The following TNRC6A variants were observed in gnomAD, a reference collection of about 807,000 sequenced individuals.
The protein encoded by TNRC6A is trinucleotide repeat containing adaptor 6A.
TNRC6A carries 44 observed loss-of-function variants against 221.2 expected under a neutral mutation model. The ratio of observed to expected loss-of-function variants is 0.20; its 90% confidence interval spans 0.16 to 0.26. TNRC6A has a LOEUF of 0.26. Among genes scored for constraint, TNRC6A ranks in the 10% least tolerant of loss-of-function variants. The pLI, the probability that TNRC6A is intolerant of heterozygous loss-of-function variation, is 1.00. For missense variants in TNRC6A, 2,199 were observed against 2,404.4 expected, an observed-to-expected ratio of 0.91 and a Z score of 1.79; for synonymous variants, 847 against 838.5, an observed-to-expected ratio of 1.01 and a Z score of -0.18.
intron 20 of TNRC6A, among the ~76,000 whole-genome samples, chr16:24,817,281 C>T (rs1251350456): frequency 6.6e-6 from 1 of 152,042 alleles, no homozygotes; most frequent in Admixed American, 6.5e-5. Context: ...ACATAAAGGA[C>T]CAGCAAACCT....
rs2058053775 is a variant in TNRC6A, at chr16:24,789,646, C to T, written c.1004C>T (p.Ser335Phe). 1 of 1,613,976 alleles carries T rather than the reference C, an allele frequency of 6.2e-7. No homozygotes were observed. The highest frequency in any genetic ancestry group is 1.1e-5 in the South Asian group (1 of 91,078). Residue 335 changes from serine to phenylalanine, a missense_variant, in exon 6 of 25, where the codon TCT (serine) becomes TTT (phenylalanine). By Grantham distance (155) the Ser-to-Phe change is radical (BLOSUM62 -2). This residue lies in a region of TNRC6A where 1,405 missense variants were observed against 1,400.2 expected (regional missense o/e 1.00). Coordinates refer to ENST00000395799, the MANE Select transcript of TNRC6A (RefSeq NM_014494.4). ...TCTGTGGATGCTCCTGAAAGCAAAT[C>T]TGAAAGTAGCAACAATAGAATGAAT... The part of the protein sequence containing the change: ...QVSVDAPESK[S>F]ESSNNRMNAW...
intron 2 of TNRC6A, among the ~76,000 whole-genome samples, chr16:24,678,701 C>G (rs1251806656): frequency 1.3e-5 from 2 of 152,064 alleles, no homozygotes; most frequent in Non-Finnish European, 2.9e-5. Context: ...TGAGACCCTG[C>G]CTCAAAAAAG....
intron 2 of TNRC6A, among the ~76,000 whole-genome samples, chr16:24,740,741 T>C (rs2056873190): frequency 6.6e-6 from 1 of 152,192 alleles, no homozygotes; most frequent in South Asian, 2.1e-4. Flanking sequence ...ATCACCACCA[T>C]CCACCTCTGC....
At chr16:24,736,266 T>C (rs1291191165) in intron 2 of TNRC6A, among the ~76,000 whole-genome samples, 2 of 152,214 alleles carry the variant, frequency 1.3e-5, no homozygotes, top group Admixed American at 6.5e-5. Context: ...TTATTAATAT[T>C]TTGCCACATT....
chr16:24,695,095 A>T (rs149486948), intron 2 of TNRC6A, among the ~76,000 whole-genome samples: 208 of 152,238 alleles, frequency 1.4e-3, no homozygotes, highest in African/African-American at 4.8e-3. Context: ...ACGGGAGTGT[A>T]CTGGGCCCTG....
At chr16:24,626,008 T>C (rs892946013) in intron 1 of TNRC6A, among the ~76,000 whole-genome samples, 7 of 152,192 alleles carry the variant, frequency 4.6e-5, no homozygotes, top group African/African-American at 1.7e-4. Flanking sequence ...TGGACACCAA[T>C]AGTTTCTTTT....
chr16:24,719,549 A>G (rs1406408869), intron 2 of TNRC6A, among the ~76,000 whole-genome samples: 2 of 152,084 alleles, frequency 1.3e-5, no homozygotes, highest in Non-Finnish European at 2.9e-5. Flanking sequence ...AATGCCAGCT[A>G]CTCAGGAGGC....
chr16:24,767,905 G>GAC, intron 4 of TNRC6A, among the ~76,000 whole-genome samples: 1 of 152,294 alleles, frequency 6.6e-6, no homozygotes, highest in East Asian at 1.9e-4. Context: ...AATGGAAGCT[G>GAC]AAGCTCTCTA....
upstream of TNRC6A, among the ~76,000 whole-genome samples, chr16:24,728,649 T>C (rs1407419474): frequency 2.6e-5 from 4 of 152,180 alleles, no homozygotes; most frequent in South Asian, 4.1e-4. Flanking sequence ...AGTGAAAATA[T>C]GTATCTTACT....
At chr16:24,779,735 CA>C (rs1445072514) in intron 5 of TNRC6A, among the ~76,000 whole-genome samples, 10 of 152,142 alleles carry the variant, frequency 6.6e-5, no homozygotes, top group Admixed American at 1.3e-4. Flanking sequence ...CACAGTAGCC[CA>C]GAAACACAAA....
intron 2 of TNRC6A, among the ~76,000 whole-genome samples, chr16:24,675,692 CTCTCTCTCTCTATATATATATA>C (rs1386255673): frequency 2.0e-4 from 17 of 85,802 alleles, no homozygotes; most frequent in Admixed American, 6.2e-4. Context: ...CTCTCTCTCT[CTCTCTCTCTCTATATATATATA>C]TATATATATA....
chr16:24,822,766 A>G (rs2058792347), intron 23 of TNRC6A, 108 bp from the exon 24 acceptor site: 8 of 1,448,468 alleles, frequency 5.5e-6, no homozygotes, highest in Non-Finnish European at 6.6e-6. Context: ...TGGTGCCAGG[A>G]GCACAGAGCC....
At chr16:24,612,554 C>T (rs927429948) in intron 1 of TNRC6A, among the ~76,000 whole-genome samples, 1 of 151,098 alleles carries the variant, frequency 6.6e-6, no homozygotes, top group Non-Finnish European at 1.5e-5. Context: ...CCAGACCAGC[C>T]TGGGCAACAT....
intron 1 of TNRC6A, among the ~76,000 whole-genome samples, chr16:24,615,037 C>T (rs1455670243): frequency 6.6e-6 from 1 of 152,034 alleles, no homozygotes; most frequent in Non-Finnish European, 1.5e-5. Flanking sequence ...TGCACTCCAG[C>T]CTGGGTGACA....
In TNRC6A at chr16:24,823,311, GT is replaced by G. The variant is rs2058805701; in HGVS notation, c.5514-120del. ...GAGGGCACGCAGGTTATGTGGTGTA[GT>G]CTCTCCCTCTGTGCCTTCTGTGGCT... On this transcript the variant is annotated intron_variant, in intron 24 of 24. Transcript: ENST00000395799. The surrounding 1 kb of genome is among the most constrained non-coding windows in gnomAD (Gnocchi z 4.3). 8.7e-6 allele frequency: 11 copies of G among 1,260,658 alleles called. No individual in the cohort carries two copies. The highest frequency in any genetic ancestry group is 2.2e-5 in the Admixed American group (1 of 44,670). 78.1% of individuals were successfully genotyped at this position (1,260,658 alleles called of 1,614,324 possible).
intron 4 of TNRC6A, among the ~76,000 whole-genome samples, chr16:24,772,642 G>A (rs1019129300): frequency 5.9e-5 from 9 of 152,206 alleles, no homozygotes; most frequent in Admixed American, 5.9e-4. Flanking sequence ...AATTAGCCGG[G>A]GCTGGTGGCA....
intron 2 of TNRC6A, among the ~76,000 whole-genome samples, chr16:24,643,479 C>T (rs2141778951): frequency 6.6e-6 from 1 of 152,142 alleles, no homozygotes; most frequent in Non-Finnish European, 1.5e-5. Flanking sequence ...CACCCCGATC[C>T]ACCATTCATT....
chr16:24,821,668 C>G (rs1201141405), intron 22 of TNRC6A: 1 of 162,926 alleles, frequency 6.1e-6, no homozygotes, highest in African/African-American at 2.4e-5. Flanking sequence ...AGCATCTGTG[C>G]GATCGCAAGC....
rs371254027 is a variant in TNRC6A, at chr16:24,823,428, C to T, written c.5514-4C>T. 267 of 1,607,938 alleles carry T rather than the reference C, an allele frequency of 1.7e-4. No individual in the cohort carries two copies. The highest frequency in any genetic ancestry group is 2.2e-4 in the Non-Finnish European group (258 of 1,176,340). On this transcript the variant is annotated splice_region_variant and splice_polypyrimidine_tract_variant and intron_variant, in intron 24 of 24. Coordinates refer to ENST00000395799, the MANE Select transcript of TNRC6A (RefSeq NM_014494.4). The surrounding 1 kb of genome is among the most constrained non-coding windows in gnomAD (Gnocchi z 4.3). ...CACGTGTCCGCGGTGCCTCTCTCCTCTAGGTGTGTACTGGGGAACACTACT... is the reference window on the plus strand; with the variant it reads ...CACGTGTCCGCGGTGCCTCTCTCCTTTAGGTGTGTACTGGGGAACACTACT...
Sources: allele counts gnomAD v4.1 joint callset (sites outside exome capture counted in the v4.1 genomes callset), GRCh38; gene constraint gnomAD v4.1.1; regional missense constraint gnomAD v4.1.1; non-coding constraint Gnocchi (gnomAD v3.1); transcripts MANE v1.5; gene names NCBI Gene and HGNC (gene_info 2026-07-23, HGNC 2026-07-21).